The following UBR2 variants were observed in gnomAD, a reference collection of about 807,000 sequenced individuals.
UBR2 encodes the protein E3 ubiquitin-protein ligase UBR2.
A neutral mutation model predicts 247.9 loss-of-function variants in UBR2; 92 were observed. The ratio of observed to expected loss-of-function variants is 0.37; its 90% CI spans 0.31 to 0.44. UBR2 has a LOEUF of 0.44. Among genes scored for constraint, UBR2 ranks in the 20% least tolerant of loss-of-function variants. The pLI is 1.00. For missense variants in UBR2, 1,613 were observed against 2,112.6 expected (o/e 0.76, Z 4.64); for synonymous variants, 672 against 693.5 (o/e 0.97, Z 0.49).
chr6:42,602,256 A>C (rs1793430531), intron 4 of UBR2, among the ~76,000 whole-genome samples: 1 of 148,964 alleles, frequency 6.7e-6, no homozygotes, highest in Non-Finnish European at 1.5e-5. Flanking sequence ...GCTGGAGTGC[A>C]GTGGTGCACA....
chr6:42,662,426 T>C (rs1173676132), intron 31 of UBR2, 149 bp downstream of exon 31: 3 of 577,156 alleles, frequency 5.2e-6, no homozygotes, highest in East Asian at 2.9e-5. Flanking sequence ...CAAAAGTTAT[T>C]TGCCTTGTCA....
At chr6:42,581,530 C>G (rs1258005978) in intron 2 of UBR2, among the ~76,000 whole-genome samples, 1 of 152,124 alleles carries the variant, frequency 6.6e-6, no homozygotes, top group Non-Finnish European at 1.5e-5. Flanking sequence ...TCTCACTTTG[C>G]TGCCCAGGCT....
rs1335563255 is a variant in UBR2 at position 42,662,192 on chromosome 6, G to A, written c.3451G>A (p.Asp1151Asn). The A allele has an allele frequency of 6.3e-7, 1 of 1,598,478 alleles. No homozygotes were observed. Residue 1151 changes from aspartate (D) to asparagine (N), a missense_variant, in exon 31 of 47, where the codon GAT becomes AAT. Coordinates refer to ENST00000372901, the MANE Select transcript of UBR2 (RefSeq NM_001363705.2). ...TTTGTTTTGTAATGCAGAAAAATATGATCCATTATTCATGCACCCTGATCT... is the reference window on the plus strand; with the variant it reads ...TTTGTTTTGTAATGCAGAAAAATATAATCCATTATTCATGCACCCTGATCT... ...SKFIQDPEKY[D>N]PLFMHPDLSC...
intron 30 of UBR2, among the ~76,000 whole-genome samples, chr6:42,661,302 T>C (rs761761032): frequency 6.6e-6 from 1 of 151,964 alleles, no homozygotes; most frequent in Non-Finnish European, 1.5e-5. Flanking sequence ...AAAAAAGATA[T>C]TTAAACTAGG....
chr6:42,663,507 A>G (rs984754241), intron 32 of UBR2, 88 bp downstream of exon 32: 40 of 1,343,046 alleles, frequency 3.0e-5, no homozygotes, highest in Non-Finnish European at 2.7e-5. Flanking sequence ...AACTTAGTCT[A>G]GGCAATTGCA....
intron 8 of UBR2, among the ~76,000 whole-genome samples, chr6:42,614,859 T>A (rs73440654): frequency 0.023 from 3,553 of 152,292 alleles, 124 homozygotes; most frequent in African/African-American, 0.08. Context: ...TATTTTGACT[T>A]TCAGGAGTAA....
intron 16 of UBR2, 113 bp downstream of exon 16, chr6:42,640,383 GGTGTGTGTGTGTGTGTGTGTGTGTGT>G (rs61668810): frequency 1.5e-3 from 265 of 174,416 alleles, no homozygotes; most frequent in Non-Finnish European, 2.3e-3. Context: ...GAACCAGTAA[GGTGTGTGTGTGTGTGTGTGTGTGTGT>G]GTGTGTGTGT....
chr6:42,622,032 T>C (rs563561238), intron 11 of UBR2, among the ~76,000 whole-genome samples: 1 of 152,282 alleles, frequency 6.6e-6, no homozygotes, highest in East Asian at 1.9e-4. Flanking sequence ...TTTTTTCTTT[T>C]TGAGATGGAG....
chr6:42,617,589 T>G lies in UBR2; in HGVS notation c.1281+82T>G, dbSNP rs1349577615. ...ATAATAGAGAACTAAAGTCTGTATATTCCTGAAAAGAATAGTATTTTATTA... is the reference window on the plus strand; with the variant it reads ...ATAATAGAGAACTAAAGTCTGTATAGTCCTGAAAAGAATAGTATTTTATTA... On this transcript the variant is annotated intron_variant, in intron 11 of 46. Transcript: ENST00000372901. 4.0e-6 allele frequency: 5 copies of G among 1,245,140 alleles called. No homozygotes were observed. The African/African-American group carries it at 6.0e-5, about 15-fold the overall frequency. The allele number at this position is 1,245,140 out of a possible 1,614,324, so 77.1% of individuals were successfully genotyped here.
chr6:42,582,392 G>A (rs766785352), intron 2 of UBR2, among the ~76,000 whole-genome samples: 1 of 150,920 alleles, frequency 6.6e-6, no homozygotes, highest in Non-Finnish European at 1.5e-5. Flanking sequence ...ACTCTTACTT[G>A]ATACATTGGT....
At chr6:42,648,873 G>T (rs561000389) in intron 22 of UBR2, among the ~76,000 whole-genome samples, 2 of 151,390 alleles carry the variant, frequency 1.3e-5, no homozygotes, top group Admixed American at 1.3e-4. Context: ...GGTTCATTTC[G>T]TATTTACTAT....
intron 16 of UBR2, among the ~76,000 whole-genome samples, chr6:42,641,130 A>G (rs1269941452): frequency 1.3e-5 from 2 of 152,226 alleles, no homozygotes; most frequent in Non-Finnish European, 2.9e-5. Context: ...CTAAGTTGAT[A>G]TATAAAACTA....
intron 11 of UBR2, among the ~76,000 whole-genome samples, chr6:42,622,100 CT>C (rs1440465718): frequency 2.0e-5 from 3 of 151,896 alleles, no homozygotes; most frequent in African/African-American, 7.3e-5. Context: ...ACTGCAACCT[CT>C]GCCTCCCAGG....
rs200591930 is a variant in UBR2 at position 42,676,789 on chromosome 6, A to G, written c.4394A>G (p.Asn1465Ser). 8.7e-6 allele frequency: 14 copies of G among 1,613,672 alleles called. No individual in the cohort carries two copies. Among genetic ancestry groups the G allele is most frequent in the Middle Eastern group, 3.3e-4 (2 of 6,058 alleles). ...QILLTSCTEE[N>S]GMDQENPPCE... is the part of the protein sequence containing the mutation. ...GTATTTCCTTATCTTTCAGAAGAGA[A>G]TGGCATGGATCAAGAAAATCCCCCT... Residue 1465 changes from asparagine (N) to serine (S), a missense_variant, in exon 40 of 47, where the codon AAT (asparagine) becomes AGT (serine). Asn to Ser is a conservative substitution (Grantham distance 46, BLOSUM62 1). Around this residue, in one of 3 missense-constraint regions of UBR2, gnomAD observed 1,524 missense variants for 1,967.3 expected, o/e 0.77. Transcript: ENST00000372901.
At chr6:42,612,402 A>G in intron 8 of UBR2, 111 bp downstream of exon 8, 6 of 1,229,256 alleles carry the variant, frequency 4.9e-6, no homozygotes, top group Non-Finnish European at 6.4e-6. Context: ...CTTTAATTTT[A>G]CATTTTAAAA....
chr6:42,612,518 A>G (rs1794155295), intron 8 of UBR2, among the ~76,000 whole-genome samples: 1 of 152,238 alleles, frequency 6.6e-6, no homozygotes, highest in Non-Finnish European at 1.5e-5. Flanking sequence ...ATTCAAATAA[A>G]TTCAGGAAAC....
Position 42,615,075 on chromosome 6 carries a change from C to G in UBR2, c.990C>G (p.Gly330=). The part of the protein sequence containing the change: ...WLGSIIGYSD[G]LRRILCQVGL... ...TACCTTTCCTTCTATTTAAAGATGG[C>G]CTTCGCCGGATTTTATGTCAAGTTG... Residue 330 remains glycine, a synonymous_variant, in exon 9 of 47, where the codon GGC becomes GGG. Transcript: ENST00000372901. The G allele has an allele frequency of 6.2e-7, 1 of 1,612,466 alleles. No individual in the cohort carries two copies. The highest frequency in any genetic ancestry group is 8.5e-7 in the Non-Finnish European group (1 of 1,179,366).
intron 1 of UBR2, among the ~76,000 whole-genome samples, chr6:42,565,405 G>A (rs1317573234): frequency 6.6e-6 from 1 of 152,198 alleles, no homozygotes; most frequent in African/African-American, 2.4e-5. Flanking sequence ...GGGATTGGGG[G>A]CACTGTGGAG....
rs199569031 is a variant in UBR2 at position 42,574,109 on chromosome 6, CTG to C, written c.338+118_338+119del. 1,736 of 1,033,628 alleles carry C rather than the reference CTG, an allele frequency of 1.7e-3. 10 individuals are homozygous for C. The highest frequency in any genetic ancestry group is 0.014 in the African/African-American group (864 of 60,464). 64.0% of individuals were successfully genotyped at this position (1,033,628 alleles called of 1,614,324 possible). ...TGAAATACCATATCTGCTTAAAAATCTGTATTACAAATACATGCTATTTAATA... is the reference window on the plus strand; with the variant it reads ...TGAAATACCATATCTGCTTAAAAATCTATTACAAATACATGCTATTTAATA... On this transcript the variant is annotated intron_variant, in intron 2 of 46. Transcript: ENST00000372901.
Sources: gnomAD v4.1 joint callset for allele counts (sites outside exome capture counted in the v4.1 genomes callset) on GRCh38, gnomAD v4.1.1 for gene constraint, gnomAD v4.1.1 regional missense constraint, MANE v1.5 for transcripts, NCBI Gene and HGNC (gene_info 2026-07-23, HGNC 2026-07-21) for gene names.